Variants in BCKDHB observed in about 807,000 individuals in gnomAD.
BCKDHB encodes branched chain keto acid dehydrogenase E1 subunit beta.
A neutral mutation model predicts 48.5 loss-of-function variants in BCKDHB; 41 were observed. The ratio of observed to expected loss-of-function variants is 0.85; its 90% CI spans 0.66 to 1.10. BCKDHB has a LOEUF of 1.10. Ranked by LOEUF, BCKDHB falls within the 50% of genes least tolerant of loss-of-function variation. The pLI is 0.00. For missense variants in BCKDHB, 496 were observed against 494.2 expected (o/e 1.00, Z -0.03); for synonymous variants, 201 against 174.8 (o/e 1.15, Z -1.18).
chr6:80,184,227 T>C (rs1773540490), intron 6 of BCKDHB, among the ~76,000 whole-genome samples: 1 of 152,216 alleles, frequency 6.6e-6, no homozygotes, highest in Non-Finnish European at 1.5e-5. Context: ...TAAATTGTTG[T>C]TGCTTTAAAG....
At chr6:80,371,575 G>A in the BCKDHB span, among the ~76,000 whole-genome samples, 351 of 151,926 alleles carry the variant, frequency 2.3e-3, 2 homozygotes, top group African/African-American at 7.8e-3. Flanking sequence ...AGTCTAGAAG[G>A]GTTTTTCCAA....
chr6:80,406,590 A>G, the BCKDHB span, among the ~76,000 whole-genome samples: 1 of 152,102 alleles, frequency 6.6e-6, no homozygotes, highest in African/African-American at 2.4e-5. Context: ...TTTGATTTGC[A>G]TTTCTCTGAT....
At chr6:80,395,928 C>A in the BCKDHB span, among the ~76,000 whole-genome samples, 2 of 152,202 alleles carry the variant, frequency 1.3e-5, no homozygotes, top group Non-Finnish European at 2.9e-5. Flanking sequence ...AGAGTACAAA[C>A]CTCAAGCCTT....
Position 80,345,954 on chromosome 6 carries a change from A to C in BCKDHB, c.*2150A>C, listed in dbSNP as rs1770181535. 6.6e-6 allele frequency: 1 copy of C among 152,238 alleles called. No homozygotes were observed. Among genetic ancestry groups the C allele is most frequent in the South Asian group, 2.1e-4 (1 of 4,834 alleles). The allele number at this position is 152,238 out of a possible 1,614,324, so 9.4% of individuals were successfully genotyped here. A position where few individuals can be genotyped will look rare whatever the true frequency, so the allele number is the denominator to read the frequency against. On this transcript the variant is annotated 3_prime_UTR_variant, in exon 10 of 10. Transcript: ENST00000320393. ...AAATAGTCATGTATGCAATTGAGAA[A>C]GTCTATAATTTATTTTACAGAAAAG...
chr6:80,428,126 G>C, the BCKDHB span, among the ~76,000 whole-genome samples: 1 of 151,614 alleles, frequency 6.6e-6, no homozygotes, highest in Non-Finnish European at 1.5e-5. Flanking sequence ...TGCGGTGTTT[G>C]GTTTTCTGTT....
At chr6:80,259,191 G>A (rs1243499494) in intron 8 of BCKDHB, among the ~76,000 whole-genome samples, 1 of 152,152 alleles carries the variant, frequency 6.6e-6, no homozygotes, top group African/African-American at 2.4e-5. Context: ...AGAATTTGGA[G>A]ATTTGTCTTG....
chr6:80,151,641 G>T (rs907097770), intron 3 of BCKDHB, among the ~76,000 whole-genome samples: 1 of 151,946 alleles, frequency 6.6e-6, no homozygotes, highest in African/African-American at 2.4e-5. Flanking sequence ...TTATTAATAG[G>T]TCCTCAGTTT....
In BCKDHB at chr6:80,344,594, C is replaced by G. The variant is rs1017049073; in HGVS notation, c.*790C>G. ...TCTCTTGACCTTGTGTTCCACCCGC[C>G]TTGGCCTCCCAAAGTGCTGGAATTA... is the stretch of plus-strand genomic sequence containing the variant. On this transcript the variant is annotated 3_prime_UTR_variant, in exon 10 of 10. Coordinates refer to ENST00000320393, the MANE Select transcript of BCKDHB (RefSeq NM_183050.4). The G allele has an allele frequency of 6.6e-6, 1 of 152,278 alleles. No individual in the cohort carries two copies. Among genetic ancestry groups the G allele is most frequent in the African/African-American group, 2.4e-5 (1 of 41,416 alleles). 9.4% of individuals were successfully genotyped at this position (152,278 alleles called of 1,614,324 possible). A position where few individuals can be genotyped will look rare whatever the true frequency, so the allele number is the denominator to read the frequency against.
intron 8 of BCKDHB, among the ~76,000 whole-genome samples, chr6:80,220,332 TCCTTCAGTTGTTACGGGTATATAC>T (rs1775370320): frequency 2.0e-5 from 3 of 147,872 alleles, no homozygotes; most frequent in Non-Finnish European, 4.5e-5. Flanking sequence ...TCATGTATTT[TCCTTCAGTTGTTACGGGTATATAC>T]ATTTTTTTCA....
intron 8 of BCKDHB, among the ~76,000 whole-genome samples, chr6:80,268,075 T>C (rs1476137303): frequency 1.3e-5 from 2 of 152,074 alleles, no homozygotes; most frequent in Non-Finnish European, 2.9e-5. Context: ...TCCAGCGGAA[T>C]ACTAGCCAGT....
chr6:80,344,081 A>G lies in BCKDHB; in HGVS notation c.*277A>G, dbSNP rs532371712. 1.9e-5 allele frequency: 8 copies of G among 420,406 alleles called. No homozygotes were observed. Among genetic ancestry groups the G allele is most frequent in the East Asian group, 1.6e-4 (3 of 19,276 alleles). The allele number at this position is 420,406 out of a possible 1,614,324, so 26.0% of individuals were successfully genotyped here. A position where few individuals can be genotyped will look rare whatever the true frequency, so the allele number is the denominator to read the frequency against. ...AGTGGTGCAATCTCAGCTCACTGCA[A>G]CCTCCCCCCTACCCCTGAGTTCAAG... On this transcript the variant is annotated 3_prime_UTR_variant, in exon 10 of 10. Coordinates refer to ENST00000320393, the MANE Select transcript of BCKDHB (RefSeq NM_183050.4).
chr6:80,314,944 G>GC (rs1247522384), intron 9 of BCKDHB, among the ~76,000 whole-genome samples: 2 of 152,206 alleles, frequency 1.3e-5, no homozygotes, highest in Non-Finnish European at 2.9e-5. Context: ...ACTCTGCAAA[G>GC]CCCACGGGCT....
At chr6:80,339,621 G>C (rs1210302019) in intron 9 of BCKDHB, among the ~76,000 whole-genome samples, 1 of 152,168 alleles carries the variant, frequency 6.6e-6, no homozygotes, top group Non-Finnish European at 1.5e-5. Context: ...TGGCTTAGGA[G>C]GTTCCCACTA....
chr6:80,279,011 A>G (rs188017601), intron 9 of BCKDHB, among the ~76,000 whole-genome samples: 72 of 152,354 alleles, frequency 4.7e-4, no homozygotes, highest in African/African-American at 1.0e-3. Context: ...ATGTGAAACA[A>G]TGAGAAAAGG....
chr6:80,424,727 G>T, the BCKDHB span, among the ~76,000 whole-genome samples: 1 of 152,034 alleles, frequency 6.6e-6, no homozygotes, highest in East Asian at 1.9e-4. Flanking sequence ...TTGCAACATG[G>T]TCTCCTGGCA....
At chr6:80,133,994 T>TA (rs896516112) in intron 3 of BCKDHB, among the ~76,000 whole-genome samples, 1 of 152,126 alleles carries the variant, frequency 6.6e-6, no homozygotes. Flanking sequence ...TCATGGCATA[T>TA]AAAAAATCCA....
intron 1 of BCKDHB, among the ~76,000 whole-genome samples, chr6:80,126,817 C>G (rs961073948): frequency 6.6e-6 from 1 of 152,088 alleles, no homozygotes; most frequent in Non-Finnish European, 1.5e-5. Flanking sequence ...CTATACCATT[C>G]AGAAGAGTAC....
At chr6:80,151,963 ATATGT>A (rs1284068684) in intron 3 of BCKDHB, among the ~76,000 whole-genome samples, 15 of 152,174 alleles carry the variant, frequency 9.9e-5, no homozygotes, top group African/African-American at 3.6e-4. Context: ...CTGGGTACAG[ATATGT>A]TTTAGGAAAC....
intron 9 of BCKDHB, among the ~76,000 whole-genome samples, chr6:80,333,019 C>G (rs1037992499): frequency 6.6e-6 from 1 of 152,044 alleles, no homozygotes; most frequent in African/African-American, 2.4e-5. Context: ...CTAGCTCCCC[C>G]AAAAAGGAAT....
Sources: allele counts gnomAD v4.1 joint callset (sites outside exome capture counted in the v4.1 genomes callset), GRCh38; gene constraint gnomAD v4.1.1; transcripts MANE v1.5; gene names NCBI Gene and HGNC (gene_info 2026-07-23, HGNC 2026-07-21).